The following ZNF385D variants were observed in gnomAD, a reference collection of about 807,000 sequenced individuals.
ZNF385D encodes the protein zinc finger protein 659.
A neutral mutation model predicts 35.8 loss-of-function variants in ZNF385D; 15 were observed. The observed-to-expected ratio is 0.42, with a 90% CI of 0.28 to 0.64. ZNF385D has a LOEUF of 0.64. Among genes scored for constraint, ZNF385D ranks in the 30% least tolerant of loss-of-function variants. The pLI, the probability that ZNF385D is intolerant of heterozygous loss-of-function variation, is 0.23. For synonymous variants in ZNF385D, 212 were observed against 186.8 expected (o/e 1.13, Z -1.10); for missense variants, 474 against 494.6 (o/e 0.96, Z 0.39).
At chr3:22,194,698 T>C (rs1379914720) in intron 2 of ZNF385D, among the ~76,000 whole-genome samples, 1 of 151,936 alleles carries the variant, frequency 6.6e-6, no homozygotes, top group Non-Finnish European at 1.5e-5. Flanking sequence ...ATTACTAATC[T>C]GTTCTATGTC....
intron 3 of ZNF385D, among the ~76,000 whole-genome samples, chr3:21,893,846 T>C (rs552841559): frequency 6.6e-6 from 1 of 152,234 alleles, no homozygotes; most frequent in Non-Finnish European, 1.5e-5. Flanking sequence ...TGCAGACTTT[T>C]AATAATATCA....
At chr3:21,789,163 G>A (rs1438046412) in intron 3 of ZNF385D, among the ~76,000 whole-genome samples, 1 of 152,228 alleles carries the variant, frequency 6.6e-6, no homozygotes, top group East Asian at 1.9e-4. Flanking sequence ...GGATTCAAAG[G>A]CATAATAAAG....
intron 2 of ZNF385D, among the ~76,000 whole-genome samples, chr3:22,252,937 A>G (rs1481809286): frequency 6.6e-6 from 1 of 152,112 alleles, no homozygotes; most frequent in East Asian, 1.9e-4. Context: ...ATAGGCATCA[A>G]GAAGTAACAA....
At chr3:21,480,873 TAAC>T (rs1425436201) in intron 4 of ZNF385D, among the ~76,000 whole-genome samples, 1 of 152,212 alleles carries the variant, frequency 6.6e-6, no homozygotes, top group African/African-American at 2.4e-5. Context: ...TTTAACCAAA[TAAC>T]AGCATCAGTA....
chr3:21,953,455 G>A (rs1406571886), intron 3 of ZNF385D, among the ~76,000 whole-genome samples: 2 of 151,708 alleles, frequency 1.3e-5, no homozygotes. Flanking sequence ...GAAACTTCCT[G>A]AACAAATATA....
chr3:22,004,191 T>C (rs1033415818), intron 3 of ZNF385D, among the ~76,000 whole-genome samples: 3 of 152,076 alleles, frequency 2.0e-5, no homozygotes, highest in South Asian at 4.1e-4. Context: ...AGAATACATG[T>C]TGGGGATAGG....
intron 3 of ZNF385D, among the ~76,000 whole-genome samples, chr3:21,860,768 C>G (rs1697005534): frequency 6.6e-6 from 1 of 152,154 alleles, no homozygotes; most frequent in African/African-American, 2.4e-5. Context: ...ATGGCAAAGG[C>G]TTTCTGCTGC....
intron 2 of ZNF385D, among the ~76,000 whole-genome samples, chr3:22,350,752 T>G (rs933321941): frequency 3.3e-5 from 5 of 152,060 alleles, no homozygotes. Context: ...CTTGACAGAG[T>G]GCTCCTTTTG....
chr3:21,874,021 TA>T (rs148301504), intron 3 of ZNF385D, among the ~76,000 whole-genome samples: 14,321 of 152,018 alleles, frequency 0.094, 782 homozygotes, highest in East Asian at 0.15. Context: ...TTAGAATTGT[TA>T]AATCATATGG....
At chr3:22,109,041 A>G (rs1702373370) in intron 3 of ZNF385D, among the ~76,000 whole-genome samples, 2 of 152,036 alleles carry the variant, frequency 1.3e-5, no homozygotes, top group Admixed American at 1.3e-4. Flanking sequence ...TGTAGCAATA[A>G]TGCTTGTACA....
intron 2 of ZNF385D, among the ~76,000 whole-genome samples, chr3:22,305,880 C>G (rs1703181941): frequency 6.6e-6 from 1 of 152,144 alleles, no homozygotes; most frequent in South Asian, 2.1e-4. Flanking sequence ...TGGTCTTAAA[C>G]TAGAGGGAAA....
chr3:21,819,202 AACAT>A (rs1488687935), intron 3 of ZNF385D, among the ~76,000 whole-genome samples: 1 of 151,948 alleles, frequency 6.6e-6, no homozygotes, highest in African/African-American at 2.4e-5. Context: ...AGAAAAAAGA[AACAT>A]AAAGAAAGCA....
At chr3:22,221,094 C>CT (rs1011474301) in intron 2 of ZNF385D, among the ~76,000 whole-genome samples, 4 of 151,884 alleles carry the variant, frequency 2.6e-5, no homozygotes, top group African/African-American at 7.3e-5. Context: ...ACCATGCTAT[C>CT]TAGTTGGCAG....
intron 3 of ZNF385D, among the ~76,000 whole-genome samples, chr3:22,090,122 G>A (rs751741542): frequency 1.6e-4 from 24 of 152,152 alleles, no homozygotes; most frequent in Non-Finnish European, 3.2e-4. Context: ...GCAGGCGTGA[G>A]CCACAGCACC....
intron 3 of ZNF385D, among the ~76,000 whole-genome samples, chr3:21,879,662 G>A (rs988760803): frequency 1.3e-5 from 2 of 151,976 alleles, no homozygotes; most frequent in Non-Finnish European, 2.9e-5. Flanking sequence ...AGTCACAGAG[G>A]TCAGGAATCA....
chr3:22,062,640 T>C (rs1285734893), intron 3 of ZNF385D, among the ~76,000 whole-genome samples: 1 of 152,180 alleles, frequency 6.6e-6, no homozygotes, highest in Non-Finnish European at 1.5e-5. Flanking sequence ...AAAGATGCAC[T>C]CTATCTTCCT....
chr3:22,127,388 G>A (rs1289161603), intron 3 of ZNF385D, among the ~76,000 whole-genome samples: 1 of 125,930 alleles, frequency 7.9e-6, no homozygotes, highest in African/African-American at 3.1e-5. Flanking sequence ...CACCCAGGCT[G>A]GAATGCAGTG....
At chr3:21,756,922 A>G (rs1427323856) in intron 3 of ZNF385D, among the ~76,000 whole-genome samples, 1 of 152,138 alleles carries the variant, frequency 6.6e-6, no homozygotes, top group African/African-American at 2.4e-5. Flanking sequence ...AGACACTGCT[A>G]TAAACTCCTA....
rs528793236 is a variant in ZNF385D at position 21,539,264 on chromosome 3, G to A, written c.276+25310C>T. Among the ~76,000 whole-genome samples the A allele has an allele frequency of 2.6e-5, 4 of 151,898 alleles. No homozygotes were observed. In the South Asian group the frequency reaches 8.3e-4, roughly 32 times the overall value. ...CTGAATGCCTATTCAGTGCTGTGTGGCTTCTACATTTCTACATAGATCACT... is the reference window on the plus strand; with the variant it reads ...CTGAATGCCTATTCAGTGCTGTGTGACTTCTACATTTCTACATAGATCACT... On this transcript the variant is annotated intron_variant, in intron 3 of 7. Transcript: ENST00000281523. The surrounding 1 kb of genome is among the most constrained non-coding windows in gnomAD (Gnocchi z 4.0).
Sources: gnomAD v4.1 joint callset for allele counts (sites outside exome capture counted in the v4.1 genomes callset) on GRCh38, gnomAD v4.1.1 for gene constraint, Gnocchi (gnomAD v3.1) non-coding constraint, MANE v1.5 for transcripts, NCBI Gene and HGNC (gene_info 2026-07-23, HGNC 2026-07-21) for gene names.